Variants in SLC25A31 observed in about 807,000 individuals in gnomAD.
The protein encoded by SLC25A31 is solute carrier family 25 member 31, also known as ADP/ATP translocase 4.
In SLC25A31, 40 loss-of-function variants were observed where a neutral mutation model predicts 36.2. That is an observed-to-expected ratio of 1.10 (90% CI 0.86 to 1.44). The LOEUF (loss-of-function observed/expected upper bound fraction) is 1.44, where lower values mean the gene tolerates loss of function less well. SLC25A31 is among the 40% of genes most tolerant of loss of function. The pLI, the probability that SLC25A31 is intolerant of heterozygous loss-of-function variation, is 0.00. For synonymous variants in SLC25A31, 143 were observed against 149.7 expected, an observed-to-expected ratio of 0.96 and a Z score of 0.32; for missense variants, 350 against 397.1, an observed-to-expected ratio of 0.88 and a Z score of 1.01.
chr4:127,773,424 CT>C lies in SLC25A31; in HGVS notation c.799del (p.Cys267AlafsTer3). 6.2e-7 allele frequency: 1 copy of C among 1,613,908 alleles called. No individual in the cohort carries two copies. The highest frequency in any genetic ancestry group is 8.5e-7 in the Non-Finnish European group (1 of 1,179,936). On this transcript the variant is annotated frameshift_variant, in exon 6 of 6. Transcript: ENST00000281154. LOFTEE classifies it high-confidence loss of function. Reference sequence around the variant, plus strand: ...AACGGCAATATAAAGGAACCTTAGACTGCTTTGTGAAGATATACCAACATGA... The same window carrying C: ...AACGGCAATATAAAGGAACCTTAGACGCTTTGTGAAGATATACCAACATGA... ...AKRQYKGTLD[C>X]FVKIYQHEGI...
chr4:127,769,663 T>C (rs1732313860), intron 5 of SLC25A31, among the ~76,000 whole-genome samples: 1 of 152,178 alleles, frequency 6.6e-6, no homozygotes, highest in Non-Finnish European at 1.5e-5. Flanking sequence ...TGCACCCAAA[T>C]TCATAGTCTA....
rs1434567273 is a variant in SLC25A31, at chr4:127,744,760, C to A, written c.321C>A (p.Tyr107Ter). 6.3e-7 allele frequency: 1 copy of A among 1,592,836 alleles called. No homozygotes were observed. The highest frequency in any genetic ancestry group is 1.3e-5 in the African/African-American group (1 of 74,436). ...TAAACTTTGCTTTTAAGGACAAATA[C>A]AAGCAGCTATTCATGTCTGGAGTTA... ...QALNFAFKDK[Y>*]KQLFMSGVNK... is the part of the protein sequence containing the mutation. Residue 107 changes from tyrosine to a stop codon, truncating the protein, a stop_gained, in exon 2 of 6, where the codon TAC becomes TAA. Transcript: ENST00000281154. LOFTEE classifies it high-confidence loss of function.
chr4:127,762,004 C>T (rs1267190132), intron 2 of SLC25A31, among the ~76,000 whole-genome samples: 2 of 152,162 alleles, frequency 1.3e-5, no homozygotes, highest in East Asian at 1.9e-4. Flanking sequence ...GCTGCTTATA[C>T]AATAAAACTG....
chr4:127,752,865 G>A (rs1037421324), intron 2 of SLC25A31, among the ~76,000 whole-genome samples: 1 of 152,098 alleles, frequency 6.6e-6, no homozygotes, highest in African/African-American at 2.4e-5. Flanking sequence ...AGAAAACATT[G>A]AGCTTGAACT....
At chr4:127,754,283 T>C (rs535769550) in intron 2 of SLC25A31, among the ~76,000 whole-genome samples, 16 of 152,226 alleles carry the variant, frequency 1.1e-4, no homozygotes, top group African/African-American at 3.8e-4. Context: ...CTAGAAGTCC[T>C]AGCCAGAGCA....
intron 2 of SLC25A31, among the ~76,000 whole-genome samples, chr4:127,745,706 G>A (rs1731812530): frequency 6.6e-6 from 1 of 152,100 alleles, no homozygotes; most frequent in South Asian, 2.1e-4. Flanking sequence ...CAGGGTGGTG[G>A]GGCAGGGTGA....
chr4:127,751,175 C>T (rs1731924260), intron 2 of SLC25A31, among the ~76,000 whole-genome samples: 3 of 152,258 alleles, frequency 2.0e-5, no homozygotes, highest in Middle Eastern at 3.4e-3. Context: ...TCAAACTATA[C>T]TACAAGGCTA....
At chr4:127,737,838 C>G (rs1731661495) in intron 1 of SLC25A31, among the ~76,000 whole-genome samples, 1 of 152,056 alleles carries the variant, frequency 6.6e-6, no homozygotes, top group African/African-American at 2.4e-5. Flanking sequence ...GGATTACAGG[C>G]ATGAGCCACC....
At chr4:127,732,283 G>A (rs906560102) in intron 1 of SLC25A31, among the ~76,000 whole-genome samples, 14 of 152,188 alleles carry the variant, frequency 9.2e-5, no homozygotes, top group African/African-American at 3.4e-4. Context: ...GGAATGCTAG[G>A]GATGTGGTTA....
intron 2 of SLC25A31, among the ~76,000 whole-genome samples, chr4:127,752,777 T>C (rs1413416882): frequency 3.3e-5 from 5 of 152,124 alleles, no homozygotes; most frequent in Non-Finnish European, 2.9e-5. Flanking sequence ...AAACAAATAT[T>C]AATAGATTTG....
intron 2 of SLC25A31, among the ~76,000 whole-genome samples, chr4:127,752,714 A>G (rs557349444): frequency 2.6e-5 from 4 of 152,350 alleles, no homozygotes; most frequent in Admixed American, 2.0e-4. Flanking sequence ...CATCAAGAGG[A>G]TATAACAATT....
intron 1 of SLC25A31, among the ~76,000 whole-genome samples, chr4:127,733,260 T>C (rs981265047): frequency 2.0e-5 from 3 of 152,244 alleles, no homozygotes; most frequent in African/African-American, 7.2e-5. Flanking sequence ...GGTCATCATT[T>C]ATACAGGTTG....
At chr4:127,742,503 G>T (rs116380017) in intron 1 of SLC25A31, among the ~76,000 whole-genome samples, 97 of 152,274 alleles carry the variant, frequency 6.4e-4, no homozygotes, top group African/African-American at 2.2e-3. Flanking sequence ...TAATTTTAGT[G>T]CATGAAAGAG....
At chr4:127,745,132 TCAA>T (rs1731801418) in intron 2 of SLC25A31, among the ~76,000 whole-genome samples, 1 of 152,134 alleles carries the variant, frequency 6.6e-6, no homozygotes, top group Non-Finnish European at 1.5e-5. Flanking sequence ...CAGAAAGAAA[TCAA>T]CAAGTACGTA....
chr4:127,744,971 A>G, intron 2 of SLC25A31, among the ~76,000 whole-genome samples, 172 bp downstream of exon 2: 1 of 152,294 alleles, frequency 6.6e-6, no homozygotes, highest in Non-Finnish European at 1.5e-5. Context: ...AGTAGTGGGA[A>G]AAAATAGTAA....
chr4:127,735,151 GTAT>G (rs1731600095), intron 1 of SLC25A31, among the ~76,000 whole-genome samples: 1 of 152,138 alleles, frequency 6.6e-6, no homozygotes, highest in South Asian at 2.1e-4. Context: ...AAGAAATGGC[GTAT>G]TATTTCATCA....
chr4:127,744,308 C>G (rs1208725952), intron 1 of SLC25A31, among the ~76,000 whole-genome samples: 2 of 152,168 alleles, frequency 1.3e-5, no homozygotes, highest in Non-Finnish European at 2.9e-5. Context: ...TCATTTGTAA[C>G]AGCCTTACCA....
chr4:127,767,974 A>C (rs1732277743), intron 4 of SLC25A31, among the ~76,000 whole-genome samples: 1 of 151,952 alleles, frequency 6.6e-6, no homozygotes, highest in Non-Finnish European at 1.5e-5. Context: ...AAAAAAATAA[A>C]ATCCCCCCTT....
At chr4:127,769,348 A>G (rs1438252806) in intron 5 of SLC25A31, among the ~76,000 whole-genome samples, 1 of 152,180 alleles carries the variant, frequency 6.6e-6, no homozygotes, top group African/African-American at 2.4e-5. Flanking sequence ...TTTGATCTCT[A>G]TTGTTATTAC....
Sources: allele counts gnomAD v4.1 joint callset (sites outside exome capture counted in the v4.1 genomes callset), GRCh38; gene constraint gnomAD v4.1.1; transcripts MANE v1.5; gene names NCBI Gene and HGNC (gene_info 2026-07-23, HGNC 2026-07-21).